IQSEC1: variants seen among roughly 807,000 people sequenced by gnomAD.
IQSEC1 encodes the protein IQ motif and SEC7 domain-containing protein 1.
A neutral mutation model predicts 91.0 loss-of-function variants in IQSEC1; 31 were observed. The ratio of observed to expected loss-of-function variants is 0.34; its 90% CI spans 0.26 to 0.46. IQSEC1 has a LOEUF of 0.46. IQSEC1 is among the 20% of genes least tolerant of loss of function. IQSEC1 has a pLI of 1.00. For synonymous variants in IQSEC1, 699 were observed against 662.6 expected (o/e 1.05, Z -0.84); for missense variants, 1,388 against 1,575.6 (o/e 0.88, Z 2.02).
intron 1 of IQSEC1, among the ~76,000 whole-genome samples, chr3:13,016,603 C>A (rs1703144567): frequency 1.3e-5 from 2 of 152,224 alleles, no homozygotes; most frequent in African/African-American, 4.8e-5. Context: ...GCTCCTCCTG[C>A]AGGTGCACAC....
chr3:13,031,659 C>T (rs758862525), intron 1 of IQSEC1, among the ~76,000 whole-genome samples: 2 of 151,836 alleles, frequency 1.3e-5, no homozygotes, highest in Non-Finnish European at 2.9e-5. Flanking sequence ...GACAGAGTCT[C>T]ATGGAGCCGA....
intron 3 of IQSEC1, among the ~76,000 whole-genome samples, chr3:12,931,920 G>C (rs1454745936): frequency 6.6e-6 from 1 of 152,202 alleles, no homozygotes; most frequent in Non-Finnish European, 1.5e-5. Flanking sequence ...GTCACACCAG[G>C]TGGCCACCCA....
chr3:13,093,416 G>T (rs1264557910), intron 2 of IQSEC1, among the ~76,000 whole-genome samples: 1 of 152,022 alleles, frequency 6.6e-6, no homozygotes, highest in Non-Finnish European at 1.5e-5. Context: ...GTCCTCACCG[G>T]GCCCCAGGGG....
intron 1 of IQSEC1, among the ~76,000 whole-genome samples, chr3:13,277,834 C>T (rs1350275371): frequency 6.6e-6 from 1 of 152,168 alleles, no homozygotes; most frequent in South Asian, 2.1e-4. Context: ...CTCCTCTTTG[C>T]TAAGAGGGGA....
intron 1 of IQSEC1, among the ~76,000 whole-genome samples, chr3:13,203,283 C>A (rs1352393817): frequency 6.6e-6 from 1 of 152,212 alleles, no homozygotes; most frequent in Admixed American, 6.5e-5. Context: ...GCTGCCCCTG[C>A]AGCTGAGGCG....
chr3:13,190,147 C>T (rs1365446925), intron 1 of IQSEC1, among the ~76,000 whole-genome samples: 1 of 152,250 alleles, frequency 6.6e-6, no homozygotes, highest in Non-Finnish European at 1.5e-5. Flanking sequence ...CCTGAACAGC[C>T]TGTCTGGGTC....
At position 13,180,039 on chromosome 3, in the gene IQSEC1, G is replaced by A. The variant is rs770606842; in HGVS notation, c.273-15906C>T. On this transcript the variant is annotated intron_variant, in intron 1 of 15. Coordinates refer to the IQSEC1 transcript ENST00000648114. ...CCTGTGAGGCCTGAGCCTCCCCGACGAGCACCGCACCCTGCTCCACGGCGC... is the reference window on the plus strand; with the variant it reads ...CCTGTGAGGCCTGAGCCTCCCCGACAAGCACCGCACCCTGCTCCACGGCGC... Among the ~76,000 whole-genome samples the A allele has an allele frequency of 7.4e-4, 113 of 152,294 alleles. 1 individual carries two copies. The highest frequency in any genetic ancestry group is 1.3e-3 in the Non-Finnish European group (90 of 68,002).
At chr3:13,243,817 G>A (rs1454344295) in intron 1 of IQSEC1, among the ~76,000 whole-genome samples, 1 of 152,126 alleles carries the variant, frequency 6.6e-6, no homozygotes. Context: ...GGCAGAATGG[G>A]AAGCAGTGGA....
intron 1 of IQSEC1, among the ~76,000 whole-genome samples, chr3:13,219,364 C>T (rs1453430916): frequency 2.0e-5 from 3 of 152,202 alleles, no homozygotes; most frequent in Non-Finnish European, 2.9e-5. Flanking sequence ...AATCCCCTCC[C>T]TGGAGTTTCT....
At chr3:12,915,009 G>A in intron 8 of IQSEC1, 95 bp downstream of exon 8, 1 of 1,288,882 alleles carries the variant, frequency 7.8e-7, no homozygotes. Context: ...CCAGCACTTG[G>A]GCTCTGGGAG....
At chr3:12,941,318 C>G (rs1302533338) in intron 2 of IQSEC1, among the ~76,000 whole-genome samples, 2 of 152,218 alleles carry the variant, frequency 1.3e-5, no homozygotes, top group African/African-American at 4.8e-5. Flanking sequence ...AGACAACTCT[C>G]TAGAAGTCCC....
chr3:12,935,732 G>C lies in IQSEC1; in HGVS notation c.1284C>G (p.Pro428=), dbSNP rs977543955. Residue 428 remains proline (P), a synonymous_variant, in exon 3 of 14, where the codon CCC becomes CCG. Transcript: ENST00000613206. This position sits in a 1 kb window ranked among gnomAD's most constrained non-coding sequence, Gnocchi z 8.0. The stretch of plus-strand genomic sequence containing the variant: ...TGGCCAAGTGGCTGTCCAGGGGCCT[G>C]GGGGGCCGGGGCCGCAACTCAGGCT... ...REEPELRPRP[P]RPLDSHLAIN... The C allele has an allele frequency of 1.2e-6, 2 of 1,611,330 alleles. No individual in the cohort carries two copies. The highest frequency in any genetic ancestry group is 8.5e-7 in the Non-Finnish European group (1 of 1,179,840).
At chr3:13,162,553 C>A (rs975910029) in intron 2 of IQSEC1, among the ~76,000 whole-genome samples, 2 of 152,206 alleles carry the variant, frequency 1.3e-5, no homozygotes, top group Admixed American at 6.5e-5. Context: ...GCACTGGAGG[C>A]CCTGCCCCTT....
In IQSEC1 at chr3:13,207,157, A is replaced by C. The variant is rs1694359354; in HGVS notation, c.273-43024T>G. On this transcript the variant is annotated intron_variant, in intron 1 of 15. Coordinates refer to the IQSEC1 transcript ENST00000648114. This position sits in a 1 kb window ranked among gnomAD's most constrained non-coding sequence, Gnocchi z 4.8. The stretch of plus-strand genomic sequence containing the variant: ...CACCCAACTTGTGCCCTCACCACCC[A>C]CCTATCCTTGTCACCTGATGTCTAA... 1.3e-5 allele frequency among the ~76,000 whole-genome samples: 2 copies of C among 151,912 alleles called. No homozygotes were observed. The highest frequency in any genetic ancestry group is 4.8e-5 in the African/African-American group (2 of 41,308).
At chr3:12,987,883 C>A (rs546290817) in intron 1 of IQSEC1, among the ~76,000 whole-genome samples, 125 of 152,338 alleles carry the variant, frequency 8.2e-4, no homozygotes, top group Non-Finnish European at 1.4e-3. Flanking sequence ...CAGCAAGAAA[C>A]CATTACCCAC....
intron 1 of IQSEC1, among the ~76,000 whole-genome samples, chr3:13,185,465 G>C (rs1475562891): frequency 6.6e-6 from 1 of 152,128 alleles, no homozygotes; most frequent in Non-Finnish European, 1.5e-5. Flanking sequence ...TTCTCCACAG[G>C]GTCCTGTGCC....
chr3:13,256,695 G>A (rs943595950), intron 1 of IQSEC1, among the ~76,000 whole-genome samples: 4 of 152,324 alleles, frequency 2.6e-5, no homozygotes, highest in South Asian at 4.1e-4. Context: ...CCTTCCCTCC[G>A]GGACCCCAGG....
At chr3:13,153,976 G>A (rs1051628253) in intron 2 of IQSEC1, among the ~76,000 whole-genome samples, 1 of 152,084 alleles carries the variant, frequency 6.6e-6, no homozygotes, top group South Asian at 2.1e-4. Flanking sequence ...TGGAGTGGGT[G>A]GAAAGGTCAT....
At chr3:13,075,892 G>T (rs1705554583), upstream of IQSEC1, among the ~76,000 whole-genome samples, 1 of 152,190 alleles carries the variant, frequency 6.6e-6, no homozygotes, top group South Asian at 2.1e-4. Flanking sequence ...GGCAGTGAGA[G>T]GTCAGAGAGT....
Sources: allele counts gnomAD v4.1 joint callset (sites outside exome capture counted in the v4.1 genomes callset), GRCh38; gene constraint gnomAD v4.1.1; non-coding constraint Gnocchi (gnomAD v3.1); transcripts MANE v1.5; gene names NCBI Gene and HGNC (gene_info 2026-07-23, HGNC 2026-07-21).